TBC1D22A: variants seen among roughly 807,000 people sequenced by gnomAD.
The protein encoded by TBC1D22A is TBC1 domain family member 22A, also known as putative GTPase activator.
A neutral mutation model predicts 60.2 loss-of-function variants in TBC1D22A; 38 were observed. That is an observed-to-expected ratio of 0.63 (90% CI 0.49 to 0.83). The LOEUF is 0.83. Ranked by LOEUF, TBC1D22A falls within the 40% of genes least tolerant of loss-of-function variation. The pLI, the probability that TBC1D22A is intolerant of heterozygous loss-of-function variation, is 0.00. For synonymous variants in TBC1D22A, 302 were observed against 281.7 expected, an observed-to-expected ratio of 1.07 and a Z score of -0.72; for missense variants, 628 against 701.0, an observed-to-expected ratio of 0.90 and a Z score of 1.18.
Position 46,909,287 on chromosome 22 carries a change from T to TGTACAC in TBC1D22A, c.901-2787_901-2786insGTACAC, listed in dbSNP as rs2069718959. ...GGTGCTCCACTGCCTAAATTCTTCC[T>TGTACAC]ATACACATACACACACACACACACA... On this transcript the variant is annotated intron_variant, in intron 7 of 12. Transcript: ENST00000337137. 1.3e-4 allele frequency among the ~76,000 whole-genome samples: 17 copies of TGTACAC among 126,944 alleles called. No homozygotes were observed. In the South Asian group the frequency reaches 4.5e-3, roughly 34 times the overall value. The allele number at this position is 126,944 out of a possible 152,430, so 83.3% of individuals were successfully genotyped here. A position where few individuals can be genotyped will look rare whatever the true frequency, so the allele number is the denominator to read the frequency against.
intron 11 of TBC1D22A, among the ~76,000 whole-genome samples, chr22:47,094,326 T>C: frequency 6.6e-6 from 1 of 152,228 alleles, no homozygotes; most frequent in East Asian, 1.9e-4. Context: ...AAGGCTAACA[T>C]TTAAGTCAGG....
At chr22:47,015,415 G>A (rs1314474842) in intron 10 of TBC1D22A, among the ~76,000 whole-genome samples, 1 of 152,168 alleles carries the variant, frequency 6.6e-6, no homozygotes, top group African/African-American at 2.4e-5. Flanking sequence ...AATTATAGAG[G>A]TGTGAGGGGG....
chr22:47,169,541 G>C (rs1569481673), intron 12 of TBC1D22A, among the ~76,000 whole-genome samples: 1 of 152,138 alleles, frequency 6.6e-6, no homozygotes, highest in Non-Finnish European at 1.5e-5. Context: ...TGATTCTGTT[G>C]CTTTTGATCC....
rs142468411 is a variant in TBC1D22A, at chr22:46,849,741, C to T, written c.638-28912C>T. On this transcript the variant is annotated intron_variant, in intron 4 of 12. Coordinates refer to ENST00000337137, the MANE Select transcript of TBC1D22A (RefSeq NM_014346.5). ...GAGTCTTCAGATATAAAAGTTGCAACGACAAAATGAGGTGCCGGATACAAG... is the reference window on the plus strand; with the variant it reads ...GAGTCTTCAGATATAAAAGTTGCAATGACAAAATGAGGTGCCGGATACAAG... 1.8e-3 allele frequency among the ~76,000 whole-genome samples: 271 copies of T among 152,220 alleles called. 1 individual carries two copies. Among genetic ancestry groups the T allele is most frequent in the African/African-American group, 6.2e-3 (258 of 41,522 alleles).
chr22:46,815,025 T>C (rs1213578623), intron 4 of TBC1D22A, among the ~76,000 whole-genome samples: 1 of 152,246 alleles, frequency 6.6e-6, no homozygotes, highest in Non-Finnish European at 1.5e-5. Flanking sequence ...TGTTCATGGC[T>C]TTATAATAGT....
chr22:47,156,574 AG>A (rs2067727892), intron 12 of TBC1D22A, among the ~76,000 whole-genome samples: 1 of 152,068 alleles, frequency 6.6e-6, no homozygotes, highest in South Asian at 2.1e-4. Flanking sequence ...AGCCTCACAG[AG>A]GCGACCAGAA....
intron 8 of TBC1D22A, among the ~76,000 whole-genome samples, chr22:46,912,716 C>T (rs2070039379): frequency 6.6e-6 from 1 of 152,094 alleles, no homozygotes; most frequent in Non-Finnish European, 1.5e-5. Flanking sequence ...GCCACCATGC[C>T]CAGCTAATTT....
At chr22:47,121,664 A>C (rs1384848878) in intron 12 of TBC1D22A, among the ~76,000 whole-genome samples, 1 of 152,054 alleles carries the variant, frequency 6.6e-6, no homozygotes, top group Admixed American at 6.5e-5. Flanking sequence ...AGCCTGACTT[A>C]GTTTTCATTA....
chr22:46,925,360 T>C (rs2070990468), intron 8 of TBC1D22A, among the ~76,000 whole-genome samples: 1 of 152,272 alleles, frequency 6.6e-6, no homozygotes, highest in African/African-American at 2.4e-5. Context: ...CTGGGGTTGC[T>C]CGTGTGTGGA....
chr22:46,902,214 T>C (rs2069049080), intron 7 of TBC1D22A, among the ~76,000 whole-genome samples: 1 of 152,244 alleles, frequency 6.6e-6, no homozygotes, highest in Admixed American at 6.5e-5. Flanking sequence ...GTTCTGGCGT[T>C]CAGATTTCTG....
intron 1 of TBC1D22A, among the ~76,000 whole-genome samples, chr22:46,767,365 T>C (rs1256630926): frequency 6.6e-6 from 1 of 152,190 alleles, no homozygotes; most frequent in East Asian, 1.9e-4. Flanking sequence ...TGGGGAGATA[T>C]CTTTGGCTTA....
At chr22:46,842,376 GA>G (rs2086808414) in intron 4 of TBC1D22A, among the ~76,000 whole-genome samples, 1 of 152,224 alleles carries the variant, frequency 6.6e-6, no homozygotes, top group Non-Finnish European at 1.5e-5. Context: ...CAAACATGGA[GA>G]AAAGCTGAAA....
intron 11 of TBC1D22A, among the ~76,000 whole-genome samples, chr22:47,055,330 G>T (rs1221887380): frequency 2.6e-5 from 4 of 152,238 alleles, no homozygotes; most frequent in African/African-American, 9.6e-5. Context: ...GAGCAGGTGG[G>T]TGGTTAATTG....
chr22:47,044,378 C>T (rs2062962500), intron 11 of TBC1D22A, among the ~76,000 whole-genome samples: 2 of 152,236 alleles, frequency 1.3e-5, no homozygotes, highest in South Asian at 4.1e-4. Context: ...CCTCGGGTCT[C>T]CACTTGCCCT....
At chr22:46,921,155 A>G (rs2070734462) in intron 8 of TBC1D22A, among the ~76,000 whole-genome samples, 1 of 152,140 alleles carries the variant, frequency 6.6e-6, no homozygotes, top group African/African-American at 2.4e-5. Context: ...TGTGAGTCAC[A>G]GGGGTTTGGT....
chr22:46,891,016 G>T (rs1026387955), intron 5 of TBC1D22A, among the ~76,000 whole-genome samples: 2 of 152,162 alleles, frequency 1.3e-5, no homozygotes, highest in African/African-American at 4.8e-5. Context: ...GGGAGGGCCT[G>T]CACCGGGAGG....
intron 4 of TBC1D22A, among the ~76,000 whole-genome samples, chr22:46,814,979 T>A (rs1452181442): frequency 6.6e-6 from 1 of 152,212 alleles, no homozygotes; most frequent in East Asian, 1.9e-4. Flanking sequence ...AAATAATGTC[T>A]TTTCCCATGA....
chr22:46,841,276 A>G (rs2086758956), intron 4 of TBC1D22A, among the ~76,000 whole-genome samples: 1 of 151,688 alleles, frequency 6.6e-6, no homozygotes, highest in Non-Finnish European at 1.5e-5. Flanking sequence ...AAGTGGGTTC[A>G]CTCTCTTCTG....
intron 12 of TBC1D22A, among the ~76,000 whole-genome samples, chr22:47,161,159 C>T (rs1022558831): frequency 5.3e-5 from 8 of 152,192 alleles, no homozygotes; most frequent in African/African-American, 1.2e-4. Flanking sequence ...TAGAAAGAGA[C>T]GGTGCCTGGA....
Sources: allele counts gnomAD v4.1 joint callset (sites outside exome capture counted in the v4.1 genomes callset), GRCh38; gene constraint gnomAD v4.1.1; transcripts MANE v1.5; gene names NCBI Gene and HGNC (gene_info 2026-07-23, HGNC 2026-07-21).